ANKS1B: variants seen among roughly 807,000 people sequenced by gnomAD.
The protein encoded by ANKS1B is ankyrin repeat and sterile alpha motif domain containing 1B.
A neutral mutation model predicts 148.3 loss-of-function variants in ANKS1B; 36 were observed. That is an observed-to-expected ratio of 0.24 (90% CI 0.19 to 0.32). The LOEUF is 0.32. ANKS1B is among the 10% of genes least tolerant of loss of function. The pLI is 1.00. For missense variants in ANKS1B, 1,157 were observed against 1,542.6 expected (o/e 0.75, Z 4.19); for synonymous variants, 542 against 560.8 (o/e 0.97, Z 0.47).
chr12:99,800,441 C>CAAA lies in ANKS1B; in HGVS notation c.669+5960_669+5962dup, dbSNP rs138056927. ...CAACCTAAGCAGACAATACAGAAGCCAAAAAAAAAAAAAAAAAAAACGGAG... is the reference window on the plus strand; with the variant it reads ...CAACCTAAGCAGACAATACAGAAGCCAAAAAAAAAAAAAAAAAAAAAAACGGAG... On this transcript the variant is annotated intron_variant, in intron 4 of 26. Transcript: ENST00000683438. Among the ~76,000 whole-genome samples the CAAA allele has an allele frequency of 7.0e-3, 610 of 86,734 alleles. 10 individuals carry two copies. Among genetic ancestry groups the CAAA allele is most frequent in the African/African-American group, 0.025 (582 of 23,368 alleles). 56.9% of individuals were successfully genotyped at this position (86,734 alleles called of 152,430 possible).
rs1001372182 is a variant in ANKS1B, at chr12:99,200,904, G to A, written c.2419+43438C>T. Among the ~76,000 whole-genome samples, 6 of 152,160 alleles carry A rather than the reference G, an allele frequency of 3.9e-5. No individual in the cohort carries two copies. The South Asian group carries it at 6.2e-4, about 16-fold the overall frequency. On this transcript the variant is annotated intron_variant, in intron 14 of 26. Coordinates refer to ENST00000683438, the MANE Select transcript of ANKS1B (RefSeq NM_001352186.2). Reference sequence around the variant, plus strand: ...CAGAAGAATCTGTGACTCATCAAAAGGTAAGAGGCACTGCTGAATAAGGAA... The same window carrying A: ...CAGAAGAATCTGTGACTCATCAAAAAGTAAGAGGCACTGCTGAATAAGGAA...
chr12:99,048,205 C>T (rs1004752986), intron 17 of ANKS1B, among the ~76,000 whole-genome samples: 19 of 152,006 alleles, frequency 1.2e-4, no homozygotes, highest in Admixed American at 2.0e-4. Context: ...ATTTTAATCA[C>T]GAGAAGGGTG....
intron 19 of ANKS1B, among the ~76,000 whole-genome samples, chr12:98,813,665 G>C (rs1179282113): frequency 6.7e-6 from 1 of 150,318 alleles, no homozygotes; most frequent in African/African-American, 2.5e-5. Flanking sequence ...CCGGGTTCAA[G>C]TGCCTCAACC....
intron 15 of ANKS1B, chr12:99,093,562 G>T (rs2054835211): frequency 6.6e-6 from 1 of 152,232 alleles, no homozygotes; most frequent in African/African-American, 2.4e-5. Flanking sequence ...GATGTCTGGG[G>T]ACAAGCTAAG....
intron 12 of ANKS1B, among the ~76,000 whole-genome samples, chr12:99,264,022 T>C (rs1030036617): frequency 5.9e-5 from 9 of 152,302 alleles, no homozygotes; most frequent in African/African-American, 2.2e-4. Context: ...AAAAATTCTA[T>C]ATACAATTCC....
intron 16 of ANKS1B, among the ~76,000 whole-genome samples, chr12:99,069,870 T>C (rs1215257409): frequency 3.3e-5 from 5 of 152,022 alleles, no homozygotes; most frequent in Admixed American, 3.3e-4. Flanking sequence ...ACTCCAGTAA[T>C]AGGAAGTAGA....
chr12:99,271,124 A>G (rs568692616), intron 12 of ANKS1B, among the ~76,000 whole-genome samples: 2 of 152,272 alleles, frequency 1.3e-5, no homozygotes, highest in East Asian at 3.9e-4. Context: ...CTTGCGCTTT[A>G]TATCTTGGCA....
Position 99,115,558 on chromosome 12 carries a change from C to A in ANKS1B, c.2527-30535G>T, listed in dbSNP as rs2061177153. ...CTGGGTGACAAAATAATCTGTACAACAAACCCTCGTGACACTAGTTTACCT... is the reference window on the plus strand; with the variant it reads ...CTGGGTGACAAAATAATCTGTACAAAAAACCCTCGTGACACTAGTTTACCT... On this transcript the variant is annotated intron_variant, in intron 15 of 26. Transcript: ENST00000683438. Among the ~76,000 whole-genome samples the A allele has an allele frequency of 2.6e-5, 4 of 152,192 alleles. No individual in the cohort carries two copies. In the South Asian group the frequency reaches 8.3e-4, roughly 32 times the overall value.
chr12:99,614,062 C>A (rs887987369), intron 9 of ANKS1B, among the ~76,000 whole-genome samples: 4 of 151,692 alleles, frequency 2.6e-5, no homozygotes, highest in African/African-American at 9.7e-5. Flanking sequence ...TGGAACCCAA[C>A]ATTCATTCAT....
intron 15 of ANKS1B, among the ~76,000 whole-genome samples, chr12:99,096,365 C>A (rs1485431502): frequency 1.3e-5 from 2 of 151,244 alleles, no homozygotes; most frequent in Non-Finnish European, 2.9e-5. Context: ...CTTAAGATGT[C>A]TTCAGGAAAA....
chr12:99,190,099 A>G lies in ANKS1B; in HGVS notation c.2420-35704T>C, dbSNP rs1361248735. Among the ~76,000 whole-genome samples, 4 of 152,314 alleles carry G rather than the reference A, an allele frequency of 2.6e-5. No individual in the cohort carries two copies. In the East Asian group the frequency reaches 7.7e-4, roughly 29 times the overall value. On this transcript the variant is annotated intron_variant, in intron 14 of 26. Coordinates refer to ENST00000683438, the MANE Select transcript of ANKS1B (RefSeq NM_001352186.2). ...TGAACTCCCATTCACAATTGCTACA[A>G]AGAGAATAAAATACCTAGGAATACA...
chr12:99,229,415 C>G (rs1458128555), intron 14 of ANKS1B, among the ~76,000 whole-genome samples: 2 of 151,558 alleles, frequency 1.3e-5, no homozygotes, highest in African/African-American at 4.8e-5. Context: ...ATTTTTTGCT[C>G]CTGTTCAATT....
intron 17 of ANKS1B, among the ~76,000 whole-genome samples, chr12:98,886,951 AAAAG>A (rs2099741501): frequency 6.6e-6 from 1 of 152,224 alleles, no homozygotes; most frequent in Non-Finnish European, 1.5e-5. Flanking sequence ...TTTCTCGAAA[AAAAG>A]AAACAAAAAG....
At chr12:99,603,189 G>T (rs2097820336) in intron 9 of ANKS1B, among the ~76,000 whole-genome samples, 1 of 152,024 alleles carries the variant, frequency 6.6e-6, no homozygotes, top group Non-Finnish European at 1.5e-5. Flanking sequence ...TTACAGGCAT[G>T]TGCATATTGG....
At chr12:98,852,272 G>A (rs2099532950) in intron 17 of ANKS1B, among the ~76,000 whole-genome samples, 1 of 152,136 alleles carries the variant, frequency 6.6e-6, no homozygotes, top group Admixed American at 6.5e-5. Context: ...GTTGCTGAAT[G>A]AATAAATGAA....
intron 17 of ANKS1B, chr12:99,048,878 T>G (rs553530954): frequency 6.6e-6 from 1 of 152,234 alleles, no homozygotes; most frequent in South Asian, 2.1e-4. Flanking sequence ...TCCAGAAGCT[T>G]TACCTGATAT....
intron 15 of ANKS1B, among the ~76,000 whole-genome samples, chr12:99,137,895 C>T (rs996076949): frequency 4.6e-5 from 7 of 152,056 alleles, no homozygotes; most frequent in Non-Finnish European, 1.0e-4. Context: ...TGATTCACTC[C>T]ATTTTAATTC....
At chr12:99,562,105 A>G (rs2097342718) in intron 9 of ANKS1B, among the ~76,000 whole-genome samples, 1 of 152,224 alleles carries the variant, frequency 6.6e-6, no homozygotes. Context: ...GACTAAGTGC[A>G]TTGTCAATGA....
chr12:99,295,596 TCA>T (rs1472542716), intron 12 of ANKS1B, among the ~76,000 whole-genome samples: 2 of 152,224 alleles, frequency 1.3e-5, no homozygotes, highest in African/African-American at 4.8e-5. Context: ...GATTATACTT[TCA>T]GTGTCATTCT....
Sources: allele counts gnomAD v4.1 joint callset (sites outside exome capture counted in the v4.1 genomes callset), GRCh38; gene constraint gnomAD v4.1.1; transcripts MANE v1.5; gene names NCBI Gene and HGNC (gene_info 2026-07-23, HGNC 2026-07-21).